Variants in GRID1 observed in about 807,000 individuals in gnomAD.
GRID1 encodes the protein glutamate receptor ionotropic, delta-1.
In GRID1, 28 loss-of-function variants were observed where a neutral mutation model predicts 98.0. The ratio of observed to expected loss-of-function variants is 0.29; its 90% CI spans 0.21 to 0.39. The LOEUF is 0.39. Among genes scored for constraint, GRID1 ranks in the 10% least tolerant of loss-of-function variants. The pLI, the probability that GRID1 is intolerant of heterozygous loss-of-function variation, is 1.00. For synonymous variants in GRID1, 553 were observed against 538.5 expected, an observed-to-expected ratio of 1.03 and a Z score of -0.37; for missense variants, 1,111 against 1,340.5, an observed-to-expected ratio of 0.83 and a Z score of 2.67.
chr10:86,013,414 G>C (rs1183785077), intron 4 of GRID1, among the ~76,000 whole-genome samples: 1 of 152,228 alleles, frequency 6.6e-6, no homozygotes, highest in Non-Finnish European at 1.5e-5. Flanking sequence ...AAAAAGTAAT[G>C]AGTTATATAG....
At chr10:85,694,563 T>C (rs1441886966) in intron 12 of GRID1, among the ~76,000 whole-genome samples, 1 of 17,380 alleles carries the variant, frequency 5.8e-5, no homozygotes, top group Non-Finnish European at 1.1e-4. Context: ...TATATATATA[T>C]ATATATATAT....
chr10:85,682,201 A>C (rs1421192047), intron 12 of GRID1, among the ~76,000 whole-genome samples: 1 of 152,208 alleles, frequency 6.6e-6, no homozygotes, highest in Non-Finnish European at 1.5e-5. Context: ...CAGATCTTCC[A>C]AGAGCTGTCA....
At chr10:86,090,189 G>C (rs1844124930) in intron 4 of GRID1, among the ~76,000 whole-genome samples, 1 of 151,958 alleles carries the variant, frequency 6.6e-6, no homozygotes, top group South Asian at 2.1e-4. Flanking sequence ...AGGTCGAGGT[G>C]GGGGAATCAC....
chr10:86,020,213 A>C (rs1843031926), intron 4 of GRID1, among the ~76,000 whole-genome samples: 1 of 152,200 alleles, frequency 6.6e-6, no homozygotes, highest in South Asian at 2.1e-4. Flanking sequence ...GTGAGGGAAA[A>C]ATCAGTTTCC....
intron 12 of GRID1, among the ~76,000 whole-genome samples, chr10:85,660,943 C>T (rs1564551415): frequency 1.3e-5 from 2 of 152,128 alleles, no homozygotes; most frequent in Admixed American, 6.5e-5. Flanking sequence ...TTCTCATCTA[C>T]ACAACAGGAA....
intron 4 of GRID1, among the ~76,000 whole-genome samples, chr10:86,131,455 C>A (rs1438045751): frequency 2.0e-5 from 3 of 152,192 alleles, no homozygotes; most frequent in Non-Finnish European, 4.4e-5. Flanking sequence ...GGAGCTGACA[C>A]TCTGCTCCGC....
At chr10:86,302,546 TATG>T (rs1320104008) in intron 2 of GRID1, among the ~76,000 whole-genome samples, 1 of 152,126 alleles carries the variant, frequency 6.6e-6, no homozygotes, top group Non-Finnish European at 1.5e-5. Flanking sequence ...TGCTTCTTGA[TATG>T]ATGATATTTG....
At chr10:85,876,087 C>T (rs1230216766) in intron 5 of GRID1, among the ~76,000 whole-genome samples, 1 of 152,236 alleles carries the variant, frequency 6.6e-6, no homozygotes, top group Non-Finnish European at 1.5e-5. Flanking sequence ...TAATATGGCA[C>T]TGACTTCTAG....
At chr10:86,165,955 T>C (rs901139083) in intron 3 of GRID1, among the ~76,000 whole-genome samples, 1 of 152,144 alleles carries the variant, frequency 6.6e-6, no homozygotes, top group African/African-American at 2.4e-5. Flanking sequence ...TCATGCTGAT[T>C]GGACATTAGC....
intron 4 of GRID1, among the ~76,000 whole-genome samples, chr10:86,014,559 C>T (rs980967350): frequency 6.6e-6 from 1 of 152,226 alleles, no homozygotes; most frequent in African/African-American, 2.4e-5. Flanking sequence ...GGCCACACAG[C>T]AGGCTCTCTC....
intron 6 of GRID1, among the ~76,000 whole-genome samples, chr10:85,864,719 G>A (rs1340411945): frequency 6.6e-6 from 1 of 152,172 alleles, no homozygotes. Flanking sequence ...TAGAGGGAGA[G>A]GGGTTGAAAT....
At chr10:86,166,205 C>T (rs1845396125) in intron 3 of GRID1, among the ~76,000 whole-genome samples, 2 of 152,100 alleles carry the variant, frequency 1.3e-5, no homozygotes, top group South Asian at 4.1e-4. Flanking sequence ...TGTTGGTGTG[C>T]TGCACCCGTT....
chr10:86,237,704 A>ACAAACAAACC (rs1589422019), intron 2 of GRID1, among the ~76,000 whole-genome samples: 1 of 151,356 alleles, frequency 6.6e-6, no homozygotes, highest in African/African-American at 2.4e-5. Flanking sequence ...TGTCTCAAAA[A>ACAAACAAACC]AAAAAAAAAA....
intron 8 of GRID1, among the ~76,000 whole-genome samples, chr10:85,734,566 A>T (rs1202986889): frequency 6.6e-6 from 1 of 152,220 alleles, no homozygotes; most frequent in Non-Finnish European, 1.5e-5. Context: ...AAGAAAAAAA[A>T]TACTTCAAAG....
chr10:85,985,866 A>G (rs1281635441), intron 4 of GRID1, among the ~76,000 whole-genome samples: 4 of 152,294 alleles, frequency 2.6e-5, no homozygotes, highest in African/African-American at 9.6e-5. Context: ...TGTTTCCCCA[A>G]AGTCAAGTTA....
intron 13 of GRID1, among the ~76,000 whole-genome samples, chr10:85,642,166 T>C (rs1660189735): frequency 6.6e-6 from 1 of 152,152 alleles, no homozygotes; most frequent in Non-Finnish European, 1.5e-5. Context: ...ACTACTCAAC[T>C]CTGCTGAAAT....
chr10:86,228,070 G>A (rs748932900), intron 2 of GRID1, among the ~76,000 whole-genome samples: 5 of 151,836 alleles, frequency 3.3e-5, no homozygotes, highest in Non-Finnish European at 5.9e-5. Flanking sequence ...ATGGGGGACC[G>A]GGTTGGGGTG....
At chr10:85,647,613 A>T in intron 12 of GRID1, 1 of 520,318 alleles carries the variant, frequency 1.9e-6, no homozygotes, top group South Asian at 2.8e-5. Flanking sequence ...GTGCAGATTA[A>T]TTCAATAAGA....
At chr10:86,325,245 G>A (rs1848031445) in intron 2 of GRID1, among the ~76,000 whole-genome samples, 2 of 152,166 alleles carry the variant, frequency 1.3e-5, no homozygotes, top group South Asian at 4.2e-4. Flanking sequence ...CTGGTTTAAA[G>A]TTCTGCATAT....
Sources: gnomAD v4.1 joint callset for allele counts (sites outside exome capture counted in the v4.1 genomes callset) on GRCh38, gnomAD v4.1.1 for gene constraint, MANE v1.5 for transcripts, NCBI Gene and HGNC (gene_info 2026-07-23, HGNC 2026-07-21) for gene names.